Variants in RBFOX1 observed in about 807,000 individuals in gnomAD.
RBFOX1 encodes RNA binding protein fox-1 homolog 1.
In RBFOX1, 8 loss-of-function variants were observed where a neutral mutation model predicts 57.7. The observed-to-expected ratio is 0.14, with a 90% confidence interval of 0.08 to 0.25. The LOEUF (loss-of-function observed/expected upper bound fraction) is 0.25. Ranked by LOEUF, RBFOX1 falls within the 10% of genes least tolerant of loss-of-function variation. RBFOX1 has a pLI of 1.00. For missense variants in RBFOX1, 611 were observed against 548.5 expected (o/e 1.11, Z -1.14); for synonymous variants, 326 against 222.4 (o/e 1.47, Z -4.15).
At chr16:5,584,379 T>C (rs567402191) in intron 2 of RBFOX1, among the ~76,000 whole-genome samples, 1 of 152,356 alleles carries the variant, frequency 6.6e-6, no homozygotes, top group South Asian at 2.1e-4. Context: ...GCATCACTAA[T>C]GCCCTCCTTT....
At chr16:7,079,578 G>C (rs9934338) in intron 4 of RBFOX1, among the ~76,000 whole-genome samples, 88,824 of 152,026 alleles carry the variant, frequency 0.58, 29,325 homozygotes, top group East Asian at 0.89. Flanking sequence ...CTCTCCCTCT[G>C]TATAAAGAAA....
intron 2 of RBFOX1, among the ~76,000 whole-genome samples, chr16:6,490,623 C>G (rs919760004): frequency 6.6e-6 from 1 of 152,162 alleles, no homozygotes; most frequent in African/African-American, 2.4e-5. Context: ...TGCATTTTAC[C>G]TGAGGCAGGA....
intron 1 of RBFOX1, among the ~76,000 whole-genome samples, chr16:5,447,021 A>G (rs1053849201): frequency 6.6e-6 from 1 of 152,176 alleles, no homozygotes; most frequent in African/African-American, 2.4e-5. Context: ...ATTTCCTGGT[A>G]TGTAGAAGCA....
intron 14 of RBFOX1, among the ~76,000 whole-genome samples, chr16:7,687,283 T>C (rs1429463688): frequency 6.6e-6 from 1 of 152,050 alleles, no homozygotes; most frequent in East Asian, 1.9e-4. Flanking sequence ...TATTAGTATT[T>C]TATGTGGAAA....
intron 3 of RBFOX1, among the ~76,000 whole-genome samples, chr16:6,820,143 C>A (rs1211451562): frequency 6.6e-6 from 1 of 152,182 alleles, no homozygotes; most frequent in Non-Finnish European, 1.5e-5. Flanking sequence ...CACACTGTCT[C>A]TTGCCTGCCG....
intron 3 of RBFOX1, among the ~76,000 whole-genome samples, chr16:6,784,439 G>A (rs148135329): frequency 6.6e-6 from 1 of 151,966 alleles, no homozygotes; most frequent in African/African-American, 2.4e-5. Context: ...GCATTCTTCA[G>A]CTCTGCAATT....
chr16:6,481,725 G>A (rs967732499), intron 2 of RBFOX1, among the ~76,000 whole-genome samples: 1 of 152,162 alleles, frequency 6.6e-6, no homozygotes, highest in Non-Finnish European at 1.5e-5. Flanking sequence ...AAATAGTAGG[G>A]AGTGGAGCAT....
intron 1 of RBFOX1, among the ~76,000 whole-genome samples, chr16:5,379,570 C>T (rs1254068666): frequency 2.0e-5 from 3 of 152,174 alleles, no homozygotes; most frequent in African/African-American, 7.2e-5. Context: ...GGGACTAGAG[C>T]CCTTCACTGG....
At chr16:7,143,128 G>T (rs1600823040) in intron 4 of RBFOX1, among the ~76,000 whole-genome samples, 1 of 152,002 alleles carries the variant, frequency 6.6e-6, no homozygotes, top group Non-Finnish European at 1.5e-5. Context: ...TTATTTTTAT[G>T]TTGGGGAAAG....
rs922073491 is a variant in RBFOX1, at chr16:6,419,459, C to G, written c.-64+102402C>G. ...AATAAACATTGAAGGGAGGCAGAGA[C>G]AAGACAGTGCTAAGAAAGGAATGAA... On this transcript the variant is annotated intron_variant, in intron 2 of 15. Transcript: ENST00000550418. Among the ~76,000 whole-genome samples the G allele has an allele frequency of 4.6e-5, 7 of 152,276 alleles. No individual in the cohort carries two copies. In the East Asian group the frequency reaches 5.8e-4, roughly 13 times the overall value.
At chr16:7,027,399 C>T (rs928162336) in intron 3 of RBFOX1, among the ~76,000 whole-genome samples, 1 of 151,998 alleles carries the variant, frequency 6.6e-6, no homozygotes, top group African/African-American at 2.4e-5. Flanking sequence ...TAACAAAAAC[C>T]CTGTAAGTTA....
intron 4 of RBFOX1, among the ~76,000 whole-genome samples, chr16:7,096,358 C>G (rs1347787604): frequency 2.6e-5 from 4 of 152,154 alleles, no homozygotes; most frequent in Non-Finnish European, 4.4e-5. Context: ...CATGGAAACT[C>G]TGACTCAATT....
At chr16:6,635,895 T>A (rs2098427133) in intron 2 of RBFOX1, among the ~76,000 whole-genome samples, 1 of 152,196 alleles carries the variant, frequency 6.6e-6, no homozygotes, top group African/African-American at 2.4e-5. Context: ...GATTTCAGAT[T>A]TCTTTTTCAG....
intron 1 of RBFOX1, among the ~76,000 whole-genome samples, chr16:5,445,508 G>C (rs981264475): frequency 6.6e-5 from 10 of 152,166 alleles, no homozygotes; most frequent in African/African-American, 2.2e-4. Flanking sequence ...TAAAACAACC[G>C]ATCAGTTACA....
At chr16:6,823,179 C>T (rs369005090) in intron 3 of RBFOX1, among the ~76,000 whole-genome samples, 3 of 152,176 alleles carry the variant, frequency 2.0e-5, no homozygotes, top group African/African-American at 7.2e-5. Flanking sequence ...ATTAGGGAGC[C>T]TGTGTTCCTT....
intron 3 of RBFOX1, among the ~76,000 whole-genome samples, chr16:6,803,425 T>A (rs934945787): frequency 1.3e-5 from 2 of 152,192 alleles, no homozygotes; most frequent in Admixed American, 1.3e-4. Context: ...AAAGTGAGAG[T>A]GGCGTTCTGG....
chr16:7,580,752 C>G (rs1264613142), intron 6 of RBFOX1, among the ~76,000 whole-genome samples: 2 of 152,160 alleles, frequency 1.3e-5, no homozygotes, highest in South Asian at 2.1e-4. Flanking sequence ...CAGTGTTCCA[C>G]CAAAGGACAA....
In RBFOX1 at chr16:6,983,444, C is replaced by T. The variant is rs149890396; in HGVS notation, c.-15-68613C>T. On this transcript the variant is annotated intron_variant, in intron 3 of 15. Coordinates refer to ENST00000550418, the MANE Select transcript of RBFOX1 (RefSeq NM_018723.4). ...TTGCTGCTTCTGGTCCGCCGACTTG[C>T]TGGCTTTTTTTTTTTTTAATAGGAT... Among the ~76,000 whole-genome samples, 11 of 144,662 alleles carry T rather than the reference C, an allele frequency of 7.6e-5. No individual in the cohort carries two copies. The Middle Eastern group carries it at 0.011, about 145-fold the overall frequency. 94.9% of individuals were successfully genotyped at this position (144,662 alleles called of 152,430 possible). A position where few individuals can be genotyped will look rare whatever the true frequency, so the allele number is the denominator to read the frequency against.
At chr16:7,007,773 C>G (rs190038767) in intron 3 of RBFOX1, among the ~76,000 whole-genome samples, 1 of 152,148 alleles carries the variant, frequency 6.6e-6, no homozygotes, top group East Asian at 1.9e-4. Flanking sequence ...TCCTTAGAAA[C>G]TGTGAGGATG....
Sources: gnomAD v4.1 joint callset for allele counts (sites outside exome capture counted in the v4.1 genomes callset) on GRCh38, gnomAD v4.1.1 for gene constraint, MANE v1.5 for transcripts, NCBI Gene and HGNC (gene_info 2026-07-23, HGNC 2026-07-21) for gene names.